Variants in GON4L observed in about 807,000 individuals in gnomAD.
GON4L encodes gon-4 like.
A neutral mutation model predicts 211.8 loss-of-function variants in GON4L; 87 were observed. The ratio of observed to expected loss-of-function variants is 0.41; its 90% confidence interval spans 0.35 to 0.49. The LOEUF (loss-of-function observed/expected upper bound fraction) is 0.49. Among genes scored for constraint, GON4L ranks in the 20% least tolerant of loss-of-function variants. GON4L has a pLI of 0.15. For missense variants in GON4L, 2,155 were observed against 2,659.5 expected, an observed-to-expected ratio of 0.81 and a Z score of 4.17; for synonymous variants, 875 against 962.6, an observed-to-expected ratio of 0.91 and a Z score of 1.68.
intron 14 of GON4L, among the ~76,000 whole-genome samples, chr1:155,779,635 T>A (rs184816213): frequency 6.6e-6 from 1 of 152,082 alleles, no homozygotes; most frequent in African/African-American, 2.4e-5. Flanking sequence ...CCTGACTGCA[T>A]AGGGTATCAG....
chr1:155,800,415 G>T (rs1254775640), intron 11 of GON4L, among the ~76,000 whole-genome samples: 1 of 151,066 alleles, frequency 6.6e-6, no homozygotes, highest in Non-Finnish European at 1.5e-5. Context: ...AAATTAGCCA[G>T]GCATGGTGGC....
intron 2 of GON4L, chr1:155,845,888 T>C (rs952770104): frequency 1.3e-5 from 3 of 236,414 alleles, no homozygotes; most frequent in South Asian, 6.5e-5. Flanking sequence ...AGTTAAACAC[T>C]TGTTACAAGA....
chr1:155,781,449 AATTATT>A (rs111687720), intron 14 of GON4L, among the ~76,000 whole-genome samples: 140,144 of 149,770 alleles, frequency 0.94, 66,308 homozygotes, highest in East Asian at 1. Flanking sequence ...CCTGATCTAT[AATTATT>A]ATTATTATTA....
rs1387196649 is a variant in GON4L at position 155,750,420 on chromosome 1, C to T, written c.*164G>A. The T allele has an allele frequency of 3.2e-6, 2 of 618,724 alleles. No individual in the cohort carries two copies. Among genetic ancestry groups the T allele is most frequent in the East Asian group, 2.7e-5 (1 of 36,472 alleles). 38.3% of individuals were successfully genotyped at this position (618,724 alleles called of 1,614,324 possible). A position where few individuals can be genotyped will look rare whatever the true frequency, so the allele number is the denominator to read the frequency against. ...TTGAATGATGCCTAGGATGGCAGAG[C>T]CCCTGGGTCCTACTCCATCCTCCAG... On this transcript the variant is annotated 3_prime_UTR_variant, in exon 32 of 32. Coordinates refer to ENST00000368331, the MANE Select transcript of GON4L (RefSeq NM_001282860.2).
intron 13 of GON4L, 101 bp from the exon 14 acceptor site, chr1:155,784,190 A>G: frequency 2.0e-6 from 3 of 1,492,982 alleles, no homozygotes; most frequent in South Asian, 2.3e-5. Context: ...ACAAGACTAT[A>G]ATAATGCTGG....
At chr1:155,786,524 T>C (rs822024) in intron 12 of GON4L, among the ~76,000 whole-genome samples, 142,271 of 151,998 alleles carry the variant, frequency 0.94, 67,348 homozygotes, top group East Asian at 1. Flanking sequence ...GAGCAAGATA[T>C]TGTCTTAAAA....
At position 155,853,319 on chromosome 1, in the gene GON4L, C is replaced by T; in HGVS notation, c.462G>A (p.Glu154=). ...CTTCACTAGGCTCTCCTGAAAAAGG[C>T]TCCTTTAGGGTAAGATGATCACATC... is the stretch of plus-strand genomic sequence containing the variant. ...EDRCDHLTLK[E]PFSGEPSEEV... Residue 154 remains glutamate, a synonymous_variant, in exon 2 of 32, where the codon GAG becomes GAA. Transcript: ENST00000368331. 1 of 1,614,122 alleles carries T rather than the reference C, an allele frequency of 6.2e-7. No individual in the cohort carries two copies. The highest frequency in any genetic ancestry group is 8.5e-7 in the Non-Finnish European group (1 of 1,179,952).
chr1:155,848,538 C>T (rs1259025371), intron 2 of GON4L, among the ~76,000 whole-genome samples: 2 of 152,224 alleles, frequency 1.3e-5, no homozygotes, highest in Non-Finnish European at 2.9e-5. Context: ...ACAAACACAG[C>T]ATTTCTACAT....
Position 155,815,906 on chromosome 1 carries a change from T to A in GON4L, c.1066-6A>T. The A allele has an allele frequency of 6.9e-7, 1 of 1,458,706 alleles. No individual in the cohort carries two copies. Among genetic ancestry groups the A allele is most frequent in the Non-Finnish European group, 9.6e-7 (1 of 1,038,614 alleles). 90.4% of individuals were successfully genotyped at this position (1,458,706 alleles called of 1,614,324 possible). On this transcript the variant is annotated splice_region_variant and splice_polypyrimidine_tract_variant and intron_variant, in intron 7 of 31. Transcript: ENST00000368331. The stretch of plus-strand genomic sequence containing the variant: ...ATATCCACAAACTGAGGAGGCTACA[T>A]TAGTACAATTAGAAAGAAATGAAGT...
At chr1:155,789,891 C>T (rs1665348783) in intron 12 of GON4L, among the ~76,000 whole-genome samples, 1 of 152,122 alleles carries the variant, frequency 6.6e-6, no homozygotes, top group African/African-American at 2.4e-5. Context: ...CTCTAGATTA[C>T]TTATCACCTA....
intron 21 of GON4L, 71 bp from the exon 22 acceptor site, chr1:155,763,635 T>C (rs1662081742): frequency 1.5e-6 from 2 of 1,303,540 alleles, no homozygotes; most frequent in Non-Finnish European, 2.1e-6. Flanking sequence ...CACAAAGCTA[T>C]ATCAGGATAA....
At chr1:155,751,472 C>T (rs1044517233) in intron 31 of GON4L, among the ~76,000 whole-genome samples, 3 of 152,156 alleles carry the variant, frequency 2.0e-5, no homozygotes, top group Non-Finnish European at 2.9e-5. Flanking sequence ...TCACTTGAAC[C>T]TGGGAGGTGG....
chr1:155,760,380 C>A, intron 24 of GON4L, 64 bp downstream of exon 24: 1 of 991,832 alleles, frequency 1.0e-6, no homozygotes, highest in South Asian at 1.5e-5. Flanking sequence ...TATTCAACCC[C>A]ATTCAATCCC....
At chr1:155,808,905 C>A (rs866561940) in intron 10 of GON4L, among the ~76,000 whole-genome samples, 19 of 152,030 alleles carry the variant, frequency 1.2e-4, no homozygotes, top group African/African-American at 4.1e-4. Context: ...AGCCACCAAA[C>A]CGGACCCTGT....
At position 155,826,971 on chromosome 1, in the gene GON4L, G is replaced by C. The variant is rs777683505; in HGVS notation, c.563C>G (p.Ser188Cys). ...EIPSLPSGSQ[S>C]AKPVSQPRKS... is the part of the protein sequence containing the mutation. ...CCTGGGCTGGCTTACTGGTTTTGCA[G>C]ATTGGCTGCCTGATGGCAGGGAAGG... Residue 188 changes from serine (S) to cysteine (C), a missense_variant, in exon 3 of 32, where the codon TCT becomes TGT. Ser to Cys is a moderately radical substitution (Grantham distance 112, BLOSUM62 -1). Coordinates refer to ENST00000368331, the MANE Select transcript of GON4L (RefSeq NM_001282860.2). 1 of 1,614,098 alleles carries C rather than the reference G, an allele frequency of 6.2e-7. No individual in the cohort carries two copies. The highest frequency in any genetic ancestry group is 2.2e-5 in the East Asian group (1 of 44,880).
At chr1:155,799,189 C>T (rs906561888) in intron 11 of GON4L, among the ~76,000 whole-genome samples, 2 of 152,190 alleles carry the variant, frequency 1.3e-5, no homozygotes, top group African/African-American at 4.8e-5. Context: ...AATCCCAGCA[C>T]TTTAGGAGGC....
At chr1:155,787,029 C>T (rs1165995697) in intron 12 of GON4L, among the ~76,000 whole-genome samples, 3 of 151,970 alleles carry the variant, frequency 2.0e-5, no homozygotes, top group Non-Finnish European at 4.4e-5. Flanking sequence ...TCACGCCATT[C>T]TCCTGCCTCA....
Position 155,762,282 on chromosome 1 carries a change from T to G in GON4L, c.4819A>C (p.Lys1607Gln), listed in dbSNP as rs1661892972. Residue 1607 changes from lysine to glutamine, a missense_variant, in exon 23 of 32, where the codon AAG becomes CAG. By Grantham distance (53) the Lys-to-Gln change is moderately conservative (BLOSUM62 1). Transcript: ENST00000368331. ...TCCTCATCATACAGCAACAGCAGCT[T>G]GGAGGTGTCCTTGCTGGCCCGAGCC... ...SRARASKDTS[K>Q]LLLLYDEDIL... The G allele has an allele frequency of 6.2e-7, 1 of 1,613,396 alleles. No individual in the cohort carries two copies. Among genetic ancestry groups the G allele is most frequent in the South Asian group, 1.1e-5 (1 of 90,960 alleles).
rs543906081 is a variant in GON4L at position 155,854,300 on chromosome 1, G to A, written c.-26-494C>T. On this transcript the variant is annotated intron_variant, in intron 1 of 31. Transcript: ENST00000368331. Reference sequence around the variant, plus strand: ...CCTGAATAGCTGGGACTACAGGCGTGCACCACCTACGCCTGGCTAATTTTT... The same window carrying A: ...CCTGAATAGCTGGGACTACAGGCGTACACCACCTACGCCTGGCTAATTTTT... Among the ~76,000 whole-genome samples, 186 of 152,260 alleles carry A rather than the reference G, an allele frequency of 1.2e-3. 1 individual carries two copies. Among genetic ancestry groups the A allele is most frequent in the African/African-American group, 4.3e-3 (179 of 41,538 alleles).
Sources: gnomAD v4.1 joint callset for allele counts (sites outside exome capture counted in the v4.1 genomes callset) on GRCh38, gnomAD v4.1.1 for gene constraint, MANE v1.5 for transcripts, NCBI Gene and HGNC (gene_info 2026-07-23, HGNC 2026-07-21) for gene names.